TMEM161B: variants seen among roughly 807,000 people sequenced by gnomAD.
TMEM161B encodes transmembrane protein 161B.
In TMEM161B, 34 loss-of-function variants were observed where a neutral mutation model predicts 61.8. The ratio of observed to expected loss-of-function variants is 0.55; its 90% confidence interval spans 0.42 to 0.73. The LOEUF is 0.73. Among genes scored for constraint, TMEM161B ranks in the 30% least tolerant of loss-of-function variants. The pLI is 0.00. For missense variants in TMEM161B, 456 were observed against 558.5 expected (o/e 0.82, Z 1.85); for synonymous variants, 167 against 192.8 (o/e 0.87, Z 1.11).
intron 4 of TMEM161B, 58 bp downstream of exon 4, chr5:88,225,711 T>C (rs1231155557): frequency 1.8e-6 from 2 of 1,121,358 alleles, no homozygotes; most frequent in East Asian, 4.8e-5. Context: ...TGAAAGTACT[T>C]TCACTACTAT....
At chr5:88,197,555 A>G (rs1237982553) in intron 11 of TMEM161B, 114 bp downstream of exon 11, 1 of 919,530 alleles carries the variant, frequency 1.1e-6, no homozygotes, top group South Asian at 1.9e-5. Context: ...TCTTTTTACA[A>G]CTTTTAAAAA....
intron 2 of TMEM161B, among the ~76,000 whole-genome samples, chr5:88,236,342 C>T (rs1475705306): frequency 6.6e-6 from 1 of 152,076 alleles, no homozygotes; most frequent in Admixed American, 6.6e-5. Flanking sequence ...AGCAAGGAAG[C>T]TATCACAGAG....
At chr5:88,267,090 AC>A (rs2112805396) in intron 1 of TMEM161B, among the ~76,000 whole-genome samples, 1 of 152,316 alleles carries the variant, frequency 6.6e-6, no homozygotes, top group Admixed American at 6.5e-5. Flanking sequence ...AACTTTTCAG[AC>A]CAAAAAGTCA....
chr5:88,198,706 G>A (rs1485854550), intron 10 of TMEM161B: 8 of 297,564 alleles, frequency 2.7e-5, no homozygotes, highest in Non-Finnish European at 1.8e-5. Context: ...CAATTAGAAG[G>A]GTCCCATTTA....
At chr5:88,200,944 A>T (rs1744276868) in intron 9 of TMEM161B, 2 of 152,134 alleles carry the variant, frequency 1.3e-5, no homozygotes, top group African/African-American at 4.8e-5. Context: ...TCCACAAACC[A>T]ATTTGTCTGT....
intron 3 of TMEM161B, among the ~76,000 whole-genome samples, chr5:88,226,621 T>C (rs1267601332): frequency 6.6e-6 from 1 of 152,116 alleles, no homozygotes; most frequent in Non-Finnish European, 1.5e-5. Context: ...TTAATTTCAA[T>C]ACTGAAAAAC....
chr5:88,238,718 TC>T (rs944886740), intron 2 of TMEM161B, among the ~76,000 whole-genome samples: 2 of 152,038 alleles, frequency 1.3e-5, no homozygotes, highest in Non-Finnish European at 1.5e-5. Context: ...TAGGTTTTTT[TC>T]TATTAAAACA....
Position 88,220,683 on chromosome 5 carries a change from T to G in TMEM161B, c.326A>C (p.Asp109Ala). ...CACAACTGTAGCAGCCACTGTGAAA[T>G]CCACCAGCCACTGGTATTCTGGAAA... ...HYFPEYQWLV[D>A]FTVAATVVYL... Residue 109 changes from aspartate (D) to alanine (A), a missense_variant, in exon 5 of 12, where the codon GAT (aspartate) becomes GCT (alanine). Asp to Ala is a moderately radical substitution (Grantham distance 126, BLOSUM62 -2). This residue lies in a region of TMEM161B where 4 missense variants were observed against 20.1 expected (regional missense o/e 0.20). Coordinates refer to ENST00000296595, the MANE Select transcript of TMEM161B (RefSeq NM_153354.5). 1 of 1,397,110 alleles carries G rather than the reference T, an allele frequency of 7.2e-7. No homozygotes were observed. Among genetic ancestry groups the G allele is most frequent in the Non-Finnish European group, 9.4e-7 (1 of 1,061,430 alleles). The allele number at this position is 1,397,110 out of a possible 1,614,324, so 86.5% of individuals were successfully genotyped here.
intron 7 of TMEM161B, 34 bp from the exon 8 acceptor site, chr5:88,205,988 T>C: frequency 6.9e-7 from 1 of 1,449,224 alleles, no homozygotes; most frequent in Non-Finnish European, 9.4e-7. Context: ...GCTGATAAAT[T>C]TTTATAATTA....
intron 5 of TMEM161B, among the ~76,000 whole-genome samples, chr5:88,213,904 T>C (rs906111851): frequency 6.6e-6 from 1 of 152,198 alleles, no homozygotes; most frequent in Admixed American, 6.5e-5. Context: ...AGAACTGAAA[T>C]CTTATGCAGT....
At chr5:88,258,775 A>G (rs1431438153) in intron 1 of TMEM161B, among the ~76,000 whole-genome samples, 3 of 152,192 alleles carry the variant, frequency 2.0e-5, no homozygotes, top group African/African-American at 4.8e-5. Context: ...TAAGTGGTTC[A>G]GCACATTGGG....
chr5:88,267,978 G>A (rs1394056169), intron 1 of TMEM161B, among the ~76,000 whole-genome samples: 1 of 151,950 alleles, frequency 6.6e-6, no homozygotes, highest in Non-Finnish European at 1.5e-5. Context: ...ATGGGCTCAG[G>A]GTAAAACATT....
intron 1 of TMEM161B, among the ~76,000 whole-genome samples, chr5:88,250,183 A>G (rs1478813132): frequency 6.6e-6 from 1 of 151,414 alleles, no homozygotes; most frequent in Non-Finnish European, 1.5e-5. Flanking sequence ...GAGAGAGAGA[A>G]AGAGAGAGAA....
intron 1 of TMEM161B, among the ~76,000 whole-genome samples, chr5:88,247,000 A>G (rs1268650136): frequency 6.6e-6 from 1 of 151,958 alleles, no homozygotes; most frequent in African/African-American, 2.4e-5. Flanking sequence ...GAACTGGGGA[A>G]AGCCATTTAA....
chr5:88,258,098 T>C (rs1755217163), intron 1 of TMEM161B, among the ~76,000 whole-genome samples: 1 of 152,170 alleles, frequency 6.6e-6, no homozygotes, highest in Admixed American at 6.5e-5. Context: ...ATTCAGTAAA[T>C]GTTAGTTGAA....
chr5:88,221,498 C>T, intron 4 of TMEM161B: 1 of 286,126 alleles, frequency 3.5e-6, no homozygotes, highest in Non-Finnish European at 7.0e-6. Flanking sequence ...GACTCCATCT[C>T]AAGAAAAATA....
intron 2 of TMEM161B, among the ~76,000 whole-genome samples, chr5:88,229,048 C>T (rs1011791243): frequency 2.0e-5 from 3 of 152,166 alleles, no homozygotes; most frequent in African/African-American, 7.2e-5. Flanking sequence ...TTAAAAAACA[C>T]TTCACTTTTA....
chr5:88,231,526 T>C lies in TMEM161B; in HGVS notation c.108-2998A>G, dbSNP rs543971859. Reference sequence around the variant, plus strand: ...TATGGCTTTCTTGCTTTTTGTATACTTCAAAGTTAGTACAGTTACTGGCAT... The same window carrying C: ...TATGGCTTTCTTGCTTTTTGTATACCTCAAAGTTAGTACAGTTACTGGCAT... On this transcript the variant is annotated intron_variant, in intron 2 of 11. Transcript: ENST00000296595. 1.8e-3 allele frequency among the ~76,000 whole-genome samples: 275 copies of C among 152,320 alleles called. 2 individuals carry two copies. Among genetic ancestry groups the C allele is most frequent in the African/African-American group, 6.2e-3 (257 of 41,568 alleles).
chr5:88,258,594 C>T (rs1366203468), intron 1 of TMEM161B, among the ~76,000 whole-genome samples: 1 of 152,046 alleles, frequency 6.6e-6, no homozygotes, highest in Non-Finnish European at 1.5e-5. Context: ...CCCCATAAAC[C>T]ATAAGAATTT....
Sources: gnomAD v4.1 joint callset for allele counts (sites outside exome capture counted in the v4.1 genomes callset) on GRCh38, gnomAD v4.1.1 for gene constraint, gnomAD v4.1.1 regional missense constraint, MANE v1.5 for transcripts, NCBI Gene and HGNC (gene_info 2026-07-23, HGNC 2026-07-21) for gene names.